The following GRM1 variants were observed in gnomAD, a reference collection of about 807,000 sequenced individuals.
GRM1 encodes the protein glutamate metabotropic receptor 1, also known as metabotropic glutamate receptor 1.
In GRM1, 33 loss-of-function variants were observed where a neutral mutation model predicts 90.9. The observed-to-expected ratio is 0.36, with a 90% CI of 0.28 to 0.49. The LOEUF is 0.49. Ranked by LOEUF, GRM1 falls within the 20% of genes least tolerant of loss-of-function variation. GRM1 has a pLI of 0.99. For synonymous variants in GRM1, 700 were observed against 613.2 expected, an observed-to-expected ratio of 1.14 and a Z score of -2.09; for missense variants, 1,190 against 1,534.3, an observed-to-expected ratio of 0.78 and a Z score of 3.75.
chr6:146,198,378 G>C (rs1779191797), intron 2 of GRM1, among the ~76,000 whole-genome samples: 1 of 152,046 alleles, frequency 6.6e-6, no homozygotes. Flanking sequence ...TTTAGTGATG[G>C]CAATCAAGTT....
intron 1 of GRM1, among the ~76,000 whole-genome samples, chr6:146,067,747 A>C (rs1225421375): frequency 6.6e-6 from 1 of 152,182 alleles, no homozygotes; most frequent in Non-Finnish European, 1.5e-5. Flanking sequence ...AAAACAAAAC[A>C]ACAAAATAAG....
At chr6:146,047,544 G>T (rs1166712854) in intron 1 of GRM1, among the ~76,000 whole-genome samples, 1 of 147,990 alleles carries the variant, frequency 6.8e-6, no homozygotes, top group East Asian at 2.0e-4. Flanking sequence ...TCTCAGCTGT[G>T]AAATGCCACT....
At position 146,363,490 on chromosome 6, in the gene GRM1, C is replaced by T. The variant is rs906603929; in HGVS notation, c.1602+5796C>T. Among the ~76,000 whole-genome samples, 34 of 152,146 alleles carry T rather than the reference C, an allele frequency of 2.2e-4. 1 individual carries two copies. The highest frequency in any genetic ancestry group is 4.7e-4 in the Non-Finnish European group (32 of 68,026). On this transcript the variant is annotated intron_variant, in intron 5 of 7. Transcript: ENST00000282753. ...GACCACAATAGTCAAGCAATTAGTA[C>T]AACCCTACCTTTCCTGATAATAAGA... is the stretch of plus-strand genomic sequence containing the variant.
chr6:146,406,289 G>A (rs76899987), intron 7 of GRM1, among the ~76,000 whole-genome samples: 2,017 of 152,266 alleles, frequency 0.013, 46 homozygotes, highest in African/African-American at 0.041. Context: ...ACTCACCTGT[G>A]TTGATGTGTA....
Position 146,399,636 on chromosome 6 carries a change from C to T in GRM1, c.2597C>T (p.Pro866Leu), listed in dbSNP as rs1192105091. The change falls in exon 7 of 8, where the codon CCC becomes CTC. Residue 866 changes from proline to leucine, a missense_variant. This residue lies in a region of GRM1 where 73 missense variants were observed against 150.6 expected (regional missense o/e 0.48). Coordinates refer to ENST00000282753, the MANE Select transcript of GRM1 (RefSeq NM_001278064.2). This position sits in a 1 kb window ranked among gnomAD's most constrained non-coding sequence, Gnocchi z 5.4. ...VRMHVGDGKL[P>L]CRSNTFLNIF... ...ATGCATGTTGGCGATGGCAAGCTGC[C>T]CTGCCGCTCCAACACTTTCCTCAAC... The T allele has an allele frequency of 6.2e-7, 1 of 1,613,926 alleles. No homozygotes were observed. The highest frequency in any genetic ancestry group is 8.5e-7 in the Non-Finnish European group (1 of 1,179,990).
At chr6:146,186,922 A>G (rs1778755296) in intron 2 of GRM1, among the ~76,000 whole-genome samples, 1 of 152,352 alleles carries the variant, frequency 6.6e-6, no homozygotes, top group East Asian at 1.9e-4. Flanking sequence ...GAATTATGGC[A>G]GATGGAAGGG....
At chr6:146,196,091 G>C (rs1406308339) in intron 2 of GRM1, among the ~76,000 whole-genome samples, 1 of 152,158 alleles carries the variant, frequency 6.6e-6, no homozygotes, top group Non-Finnish European at 1.5e-5. Context: ...AAAGAACAAG[G>C]CTGTTGTTGG....
chr6:146,367,608 C>A (rs1376389087), intron 5 of GRM1, among the ~76,000 whole-genome samples: 1 of 152,034 alleles, frequency 6.6e-6, no homozygotes, highest in African/African-American at 2.4e-5. Context: ...TTGTTGCCAT[C>A]TTCATGTCCA....
chr6:146,353,598 G>A (rs891916586), intron 4 of GRM1, among the ~76,000 whole-genome samples: 16 of 152,306 alleles, frequency 1.1e-4, no homozygotes, highest in African/African-American at 3.6e-4. Flanking sequence ...CTGCCTTTTA[G>A]CAGATCCTAA....
chr6:146,189,334 C>T (rs555202172), intron 2 of GRM1, among the ~76,000 whole-genome samples: 3 of 152,278 alleles, frequency 2.0e-5, no homozygotes, highest in Non-Finnish European at 4.4e-5. Flanking sequence ...GAGCCTCGCT[C>T]AACTCTGGGT....
At chr6:146,055,777 A>G (rs1325572695) in intron 1 of GRM1, among the ~76,000 whole-genome samples, 2 of 152,204 alleles carry the variant, frequency 1.3e-5, no homozygotes, top group Non-Finnish European at 2.9e-5. Context: ...TAAAATGAAA[A>G]CATAACTGTA....
At chr6:146,267,679 T>TC (rs1491427465) in intron 2 of GRM1, among the ~76,000 whole-genome samples, 2 of 106,622 alleles carry the variant, frequency 1.9e-5, no homozygotes, top group Non-Finnish European at 3.3e-5. Context: ...TGGGCTGGGC[T>TC]GGGCTCGGCT....
chr6:146,376,604 G>A (rs1005769423), intron 5 of GRM1, among the ~76,000 whole-genome samples: 2 of 151,868 alleles, frequency 1.3e-5, no homozygotes, highest in Non-Finnish European at 2.9e-5. Context: ...TGTCATCCCA[G>A]TGTCTCCTGG....
chr6:146,337,318 GT>G (rs1784810407), intron 3 of GRM1, among the ~76,000 whole-genome samples: 1 of 152,136 alleles, frequency 6.6e-6, no homozygotes, highest in African/African-American at 2.4e-5. Context: ...CTCTGTGCCT[GT>G]TTCTTTGTAA....
chr6:146,346,536 G>T (rs981679703), intron 3 of GRM1, among the ~76,000 whole-genome samples: 4 of 151,980 alleles, frequency 2.6e-5, no homozygotes, highest in Admixed American at 2.0e-4. Context: ...CAATTCCCAG[G>T]TCCTAGACTT....
intron 3 of GRM1, among the ~76,000 whole-genome samples, chr6:146,337,066 C>T (rs1374836011): frequency 6.6e-6 from 1 of 152,176 alleles, no homozygotes; most frequent in East Asian, 1.9e-4. Flanking sequence ...TTCCACACCA[C>T]AGAACTCCAA....
chr6:146,239,091 T>A (rs1036710858), intron 2 of GRM1, among the ~76,000 whole-genome samples: 1 of 152,168 alleles, frequency 6.6e-6, no homozygotes, highest in Non-Finnish European at 1.5e-5. Context: ...AAAAGACTTA[T>A]AAATACTCAC....
At chr6:146,397,464 A>AC (rs537883433) in intron 6 of GRM1, among the ~76,000 whole-genome samples, 89 of 124,702 alleles carry the variant, frequency 7.1e-4, no homozygotes, top group African/African-American at 2.6e-3. Flanking sequence ...ACAGAGTGAG[A>AC]CCCCGTCTCA....
At position 146,423,699 on chromosome 6, in the gene GRM1, C is replaced by T. The variant is rs867378318; in HGVS notation, c.2661-10173C>T. ...GTACAGATGCTGCCTGGGTGCACCA[C>T]ACTGTGGGACTCTGCTAAGGTCAGT... On this transcript the variant is annotated intron_variant, in intron 7 of 7. Transcript: ENST00000282753. Among the ~76,000 whole-genome samples, 10 of 152,244 alleles carry T rather than the reference C, an allele frequency of 6.6e-5. No homozygotes were observed. The Middle Eastern group carries it at 0.01, about 155-fold the overall frequency.
Sources: gnomAD v4.1 joint callset for allele counts (sites outside exome capture counted in the v4.1 genomes callset) on GRCh38, gnomAD v4.1.1 for gene constraint, gnomAD v4.1.1 regional missense constraint, Gnocchi (gnomAD v3.1) non-coding constraint, MANE v1.5 for transcripts, NCBI Gene and HGNC (gene_info 2026-07-23, HGNC 2026-07-21) for gene names.